Variants in TMEM230 observed in about 807,000 individuals in gnomAD.
TMEM230 encodes UPF0414 transmembrane protein C20orf30.
A neutral mutation model predicts 15.8 loss-of-function variants in TMEM230; 10 were observed. The observed-to-expected ratio is 0.63, with a 90% CI of 0.39 to 1.07. The LOEUF is 1.07. TMEM230 is among the 50% of genes least tolerant of loss of function. The probability of loss-of-function intolerance (pLI) is 0.01; values close to 1 mark genes in which losing one functional copy is unlikely to be tolerated. For synonymous variants in TMEM230, 67 were observed against 76.9 expected, an observed-to-expected ratio of 0.87 and a Z score of 0.68; for missense variants, 165 against 193.3, an observed-to-expected ratio of 0.85 and a Z score of 0.87.
In TMEM230 at chr20:5,109,443, C is replaced by A. The variant is rs140044753; in HGVS notation, c.177G>T (p.Leu59=). ...GGGACGGCATCATAACACGCTGACA[C>A]AGCTACAGTTTAAAAACAAAAAACC... The change falls in exon 3 of 5, where the codon CTG becomes CTT. Residue 59 remains leucine (L), a splice_region_variant and synonymous_variant. Transcript: ENST00000342308. 2.7e-5 allele frequency: 44 copies of A among 1,612,800 alleles called. No individual in the cohort carries two copies. The highest frequency in any genetic ancestry group is 3.6e-5 in the Non-Finnish European group (43 of 1,179,218).
downstream of TMEM230, among the ~76,000 whole-genome samples, chr20:5,097,702 C>G (rs1433916984): frequency 3.3e-5 from 5 of 152,058 alleles, no homozygotes; most frequent in Non-Finnish European, 5.9e-5. Flanking sequence ...GTGGTGTGAT[C>G]TAGGCTCATT....
At chr20:5,104,224 A>G (rs941051869) in intron 4 of TMEM230, among the ~76,000 whole-genome samples, 1 of 152,218 alleles carries the variant, frequency 6.6e-6, no homozygotes, top group Non-Finnish European at 1.5e-5. Context: ...CCTAGTTAAA[A>G]TGGCTTTTTA....
intron 2 of TMEM230, among the ~76,000 whole-genome samples, chr20:5,109,896 C>G (rs778679283): frequency 1.4e-4 from 21 of 152,192 alleles, no homozygotes; most frequent in Non-Finnish European, 2.8e-4. Context: ...AGCATATACT[C>G]AAATGATTCT....
exon 4 of TMEM230, chr20:5,069,043 C>A: frequency 1.4e-6 from 1 of 731,756 alleles, no homozygotes; most frequent in Non-Finnish European, 2.2e-6. Flanking sequence ...GCATATGGAA[C>A]ATTCCCTCCA....
chr20:5,088,308 CA>C (rs777211538), intron 3 of TMEM230, among the ~76,000 whole-genome samples: 724 of 51,138 alleles, frequency 0.014, 1 homozygote, highest in African/African-American at 0.031. Context: ...GACTCTGTCT[CA>C]AAAAAAAAAA....
chr20:5,100,370 C>A lies in TMEM230; in HGVS notation c.*421G>T. On this transcript the variant is annotated 3_prime_UTR_variant, in exon 5 of 5. Coordinates refer to ENST00000342308, the MANE Select transcript of TMEM230 (RefSeq NM_001009923.2). ...GAACATGAAGGTAGGGATAAGTGTA[C>A]AGGATAATATACTCAGATATTTTTA... 1.0e-6 allele frequency: 1 copy of A among 985,958 alleles called. No individual in the cohort carries two copies. Among genetic ancestry groups the A allele is most frequent in the Non-Finnish European group, 1.2e-6 (1 of 830,054 alleles). The allele number at this position is 985,958 out of a possible 1,614,324, so 61.1% of individuals were successfully genotyped here. A position where few individuals can be genotyped will look rare whatever the true frequency, so the allele number is the denominator to read the frequency against.
At chr20:5,078,676 C>CAT (rs1255235194) in intron 3 of TMEM230, among the ~76,000 whole-genome samples, 1 of 152,210 alleles carries the variant, frequency 6.6e-6, no homozygotes, top group Non-Finnish European at 1.5e-5. Context: ...AGAAATGACA[C>CAT]ATATTGCTTG....
At chr20:5,106,473 G>C (rs2090098738) in intron 3 of TMEM230, among the ~76,000 whole-genome samples, 163 bp from the exon 3 acceptor site, 1 of 152,106 alleles carries the variant, frequency 6.6e-6, no homozygotes, top group Non-Finnish European at 1.5e-5. Flanking sequence ...GCGTGATCTT[G>C]GCTCACTGCA....
chr20:5,112,046 A>G (rs2090348588), intron 1 of TMEM230, among the ~76,000 whole-genome samples: 1 of 152,100 alleles, frequency 6.6e-6, no homozygotes, highest in African/African-American at 2.4e-5. Context: ...GGGCTTCACC[A>G]TATTGGCCAG....
intron 3 of TMEM230, among the ~76,000 whole-genome samples, chr20:5,091,946 G>A: frequency 6.6e-6 from 1 of 152,096 alleles, no homozygotes; most frequent in East Asian, 1.9e-4. Context: ...CTACTTTTTT[G>A]GTTAATGTTT....
intron 4 of TMEM230, among the ~76,000 whole-genome samples, chr20:5,101,631 T>C (rs1008070403): frequency 2.0e-5 from 3 of 152,136 alleles, no homozygotes; most frequent in African/African-American, 7.2e-5. Context: ...TCTCGCTATG[T>C]TGCCCAGGCT....
chr20:5,110,620 C>T (rs2090274449), intron 2 of TMEM230, among the ~76,000 whole-genome samples: 1 of 152,198 alleles, frequency 6.6e-6, no homozygotes, highest in African/African-American at 2.4e-5. Context: ...CTAGTGCCTC[C>T]AGAAGCGCCC....
downstream of TMEM230, among the ~76,000 whole-genome samples, chr20:5,066,706 A>G (rs1292881106): frequency 6.6e-6 from 1 of 151,206 alleles, no homozygotes; most frequent in Non-Finnish European, 1.5e-5. Context: ...CCCCAAACAT[A>G]CCCAAGGACC....
rs111813967 is a variant in TMEM230, at chr20:5,105,576, C to T, written c.411+612G>A. Reference sequence around the variant, plus strand: ...ACTGCACTCCAGCCTGACTCTGTCTCAAAATAAATAAATAAATAAAAGTAT... The same window carrying T: ...ACTGCACTCCAGCCTGACTCTGTCTTAAAATAAATAAATAAATAAAAGTAT... On this transcript the variant is annotated intron_variant, in intron 4 of 4. Coordinates refer to ENST00000342308, the MANE Select transcript of TMEM230 (RefSeq NM_001009923.2). Among the ~76,000 whole-genome samples, 50 of 151,844 alleles carry T rather than the reference C, an allele frequency of 3.3e-4. 2 individuals are homozygous for T. The South Asian group carries it at 4.2e-3, about 13-fold the overall frequency.
At chr20:5,091,325 C>T (rs929335589) in intron 3 of TMEM230, among the ~76,000 whole-genome samples, 1 of 152,140 alleles carries the variant, frequency 6.6e-6, no homozygotes, top group Non-Finnish European at 1.5e-5. Context: ...ATTCTCCTGC[C>T]TTGGCCTTCC....
intron 4 of TMEM230, 110 bp downstream of exon 3, chr20:5,106,070 GACGGACAA>G: frequency 7.5e-7 from 1 of 1,332,890 alleles, no homozygotes; most frequent in Non-Finnish European, 9.7e-7. Context: ...AGACCACTGG[GACGGACAA>G]ACACACACAC....
At chr20:5,086,079 AT>A (rs1322544780) in intron 3 of TMEM230, among the ~76,000 whole-genome samples, 98 of 152,188 alleles carry the variant, frequency 6.4e-4, no homozygotes, top group African/African-American at 2.4e-3. Flanking sequence ...CCATGTATGT[AT>A]TATAGTTCAC....
intron 4 of TMEM230, among the ~76,000 whole-genome samples, chr20:5,105,769 T>G (rs976738336): frequency 6.6e-6 from 1 of 151,968 alleles, no homozygotes; most frequent in African/African-American, 2.4e-5. Context: ...CCAGGGGCAA[T>G]GGTTCACACC....
chr20:5,059,765 T>A, the TMEM230 span, among the ~76,000 whole-genome samples: 1 of 1,512 alleles, frequency 6.6e-4, no homozygotes, highest in Admixed American at 7.8e-3. Flanking sequence ...TCCAGCTAAT[T>A]TTTTTTTTTT....
Sources: gnomAD v4.1 joint callset for allele counts (sites outside exome capture counted in the v4.1 genomes callset) on GRCh38, gnomAD v4.1.1 for gene constraint, MANE v1.5 for transcripts, NCBI Gene and HGNC (gene_info 2026-07-23, HGNC 2026-07-21) for gene names.